STXBP5L: variants seen among roughly 807,000 people sequenced by gnomAD.
STXBP5L encodes the protein syntaxin binding protein 5L.
STXBP5L carries 65 observed loss-of-function variants against 144.5 expected under a neutral mutation model. The observed-to-expected ratio is 0.45, with a 90% confidence interval of 0.37 to 0.55. The LOEUF is 0.55. STXBP5L is among the 20% of genes least tolerant of loss of function. STXBP5L has a pLI of 0.00. For missense variants in STXBP5L, 1,298 were observed against 1,405.5 expected, an observed-to-expected ratio of 0.92 and a Z score of 1.22; for synonymous variants, 505 against 469.6, an observed-to-expected ratio of 1.08 and a Z score of -0.97.
intron 22 of STXBP5L, among the ~76,000 whole-genome samples, chr3:121,398,541 T>C (rs184081015): frequency 1.7e-4 from 26 of 152,234 alleles, no homozygotes; most frequent in African/African-American, 6.0e-4. Flanking sequence ...TTTCCTTTTT[T>C]ACATTTTAGA....
intron 3 of STXBP5L, among the ~76,000 whole-genome samples, chr3:120,982,190 G>T (rs1941844270): frequency 6.6e-6 from 1 of 152,162 alleles, no homozygotes; most frequent in Non-Finnish European, 1.5e-5. Flanking sequence ...AAGCAGATGG[G>T]TATGGGCTTG....
At chr3:121,123,178 C>G (rs554783457) in intron 7 of STXBP5L, among the ~76,000 whole-genome samples, 3 of 151,386 alleles carry the variant, frequency 2.0e-5, no homozygotes, top group Admixed American at 1.3e-4. Flanking sequence ...ATGTTAAACA[C>G]TAAAAATATT....
At chr3:121,194,978 A>C (rs1277512371) in intron 9 of STXBP5L, among the ~76,000 whole-genome samples, 1 of 125,870 alleles carries the variant, frequency 7.9e-6, no homozygotes, top group Non-Finnish European at 1.5e-5. Context: ...TGCAGTGGCG[A>C]GATCTTGGCT....
intron 5 of STXBP5L, among the ~76,000 whole-genome samples, chr3:121,105,633 G>T (rs1576972369): frequency 6.6e-6 from 1 of 152,138 alleles, no homozygotes; most frequent in Non-Finnish European, 1.5e-5. Context: ...AACCACTCTG[G>T]TAAACAGTAT....
intron 23 of STXBP5L, among the ~76,000 whole-genome samples, chr3:121,408,286 T>C (rs1043475411): frequency 2.0e-5 from 3 of 151,978 alleles, no homozygotes; most frequent in Admixed American, 1.3e-4. Flanking sequence ...ATTCAGCAAA[T>C]AGCTCATAAA....
chr3:121,107,955 A>G (rs1420665362), intron 5 of STXBP5L, among the ~76,000 whole-genome samples: 4 of 151,876 alleles, frequency 2.6e-5, no homozygotes, highest in Admixed American at 2.6e-4. Flanking sequence ...ATTCCTAGTT[A>G]TTTTATTCTC....
At chr3:121,080,254 G>C (rs930143494) in intron 5 of STXBP5L, among the ~76,000 whole-genome samples, 2 of 152,090 alleles carry the variant, frequency 1.3e-5, no homozygotes, top group African/African-American at 4.8e-5. Context: ...AACAGATATT[G>C]GGTTGGTGGT....
intron 3 of STXBP5L, among the ~76,000 whole-genome samples, chr3:120,972,393 G>A (rs944428158): frequency 6.6e-6 from 1 of 151,920 alleles, no homozygotes; most frequent in African/African-American, 2.4e-5. Context: ...GTATATAAAT[G>A]GTTTTGATTT....
At chr3:121,088,418 C>A (rs1238795600) in intron 5 of STXBP5L, among the ~76,000 whole-genome samples, 1 of 114,922 alleles carries the variant, frequency 8.7e-6, no homozygotes, top group African/African-American at 3.4e-5. Context: ...GTTAGAATGG[C>A]AATCATTAAA....
At chr3:121,286,567 A>G (rs2051238844) in intron 19 of STXBP5L, among the ~76,000 whole-genome samples, 1 of 152,172 alleles carries the variant, frequency 6.6e-6, no homozygotes. Flanking sequence ...GAAAGGTGGC[A>G]ATGCAATAAT....
At chr3:121,111,614 C>A (rs2043990783) in intron 5 of STXBP5L, among the ~76,000 whole-genome samples, 1 of 152,144 alleles carries the variant, frequency 6.6e-6, no homozygotes, top group Admixed American at 6.5e-5. Flanking sequence ...GGAGCTCCAT[C>A]CCAGAGGGGC....
chr3:121,309,660 A>G (rs2043459322), intron 19 of STXBP5L, among the ~76,000 whole-genome samples: 2 of 152,186 alleles, frequency 1.3e-5, no homozygotes, highest in African/African-American at 4.8e-5. Context: ...TCTCCAAAAT[A>G]TTGCAGAAAG....
chr3:121,093,890 C>G (rs1252824210), intron 5 of STXBP5L, among the ~76,000 whole-genome samples: 4 of 152,058 alleles, frequency 2.6e-5, no homozygotes, highest in Admixed American at 1.3e-4. Context: ...ATCTTTCCTG[C>G]TTTCTCTTGT....
chr3:120,967,485 G>C (rs1166735014), intron 3 of STXBP5L, among the ~76,000 whole-genome samples: 2 of 152,118 alleles, frequency 1.3e-5, no homozygotes, highest in South Asian at 2.1e-4. Context: ...AGCCTGGGCT[G>C]GGATTTTTAG....
chr3:120,948,334 T>G (rs1710985513), intron 2 of STXBP5L, among the ~76,000 whole-genome samples: 2 of 151,808 alleles, frequency 1.3e-5, no homozygotes, highest in Non-Finnish European at 2.9e-5. Context: ...TAAGGGTTCT[T>G]TATATATTCT....
chr3:121,094,654 G>A (rs2043017449), intron 5 of STXBP5L, among the ~76,000 whole-genome samples: 1 of 151,890 alleles, frequency 6.6e-6, no homozygotes, highest in African/African-American at 2.4e-5. Flanking sequence ...TTTATTTTGA[G>A]CCTATGTGTG....
chr3:121,371,757 G>A (rs796763433), intron 20 of STXBP5L, among the ~76,000 whole-genome samples: 34 of 152,300 alleles, frequency 2.2e-4, no homozygotes, highest in Admixed American at 9.1e-4. Flanking sequence ...AGTGGTGGCC[G>A]CCCAGTGCCA....
intron 7 of STXBP5L, among the ~76,000 whole-genome samples, chr3:121,147,268 C>T (rs187963475): frequency 6.7e-4 from 102 of 152,054 alleles, no homozygotes; most frequent in Admixed American, 1.6e-3. Context: ...TGTTCTCTAA[C>T]CACAAGAGAA....
chr3:121,345,235 C>T (rs573483465), intron 20 of STXBP5L, among the ~76,000 whole-genome samples: 92 of 152,104 alleles, frequency 6.0e-4, no homozygotes, highest in Admixed American at 1.4e-3. Context: ...GTTCAGTTCC[C>T]ACCTATGAGT....
Sources: allele counts gnomAD v4.1 joint callset (sites outside exome capture counted in the v4.1 genomes callset), GRCh38; gene constraint gnomAD v4.1.1; transcripts MANE v1.5; gene names NCBI Gene and HGNC (gene_info 2026-07-23, HGNC 2026-07-21).